DNAI7: variants seen among roughly 807,000 people sequenced by gnomAD.
DNAI7 encodes the protein dynein axonemal intermediate chain 7, also known as cancer susceptibility 1.
Under a neutral mutation model 86.6 loss-of-function variants are expected in DNAI7, and 78 were observed. The observed-to-expected ratio is 0.90, with a 90% CI of 0.75 to 1.09. DNAI7 has a LOEUF of 1.09. Ranked by LOEUF, DNAI7 falls within the 50% of genes least tolerant of loss-of-function variation. The probability of loss-of-function intolerance (pLI) is 0.00; values close to 1 mark genes in which losing one functional copy is unlikely to be tolerated. For missense variants in DNAI7, 753 were observed against 810.2 expected, an observed-to-expected ratio of 0.93 and a Z score of 0.86; for synonymous variants, 274 against 273.0, an observed-to-expected ratio of 1.00 and a Z score of -0.04.
At chr12:25,189,858 G>C (rs913842661) in intron 2 of DNAI7, among the ~76,000 whole-genome samples, 1 of 152,092 alleles carries the variant, frequency 6.6e-6, no homozygotes, top group African/African-American at 2.4e-5. Flanking sequence ...ATTCCTAAAA[G>C]GGGTAGCTGT....
At chr12:25,164,301 GTC>G (rs778279265) in intron 2 of DNAI7, among the ~76,000 whole-genome samples, 1 of 150,842 alleles carries the variant, frequency 6.6e-6, no homozygotes, top group Non-Finnish European at 1.5e-5. Flanking sequence ...TTCTCTCCGT[GTC>G]TCTACCCCTT....
intron 10 of DNAI7, among the ~76,000 whole-genome samples, chr12:25,122,944 T>A (rs928447962): frequency 1.3e-5 from 2 of 152,234 alleles, no homozygotes; most frequent in Non-Finnish European, 2.9e-5. Context: ...TCTATGTATG[T>A]AACACGTTGT....
At chr12:25,128,088 C>T (rs1942391168) in intron 9 of DNAI7, among the ~76,000 whole-genome samples, 1 of 152,020 alleles carries the variant, frequency 6.6e-6, no homozygotes, top group Non-Finnish European at 1.5e-5. Context: ...GAAACTGATG[C>T]CAACAATTAT....
intron 2 of DNAI7, among the ~76,000 whole-genome samples, chr12:25,173,406 T>C (rs1948352420): frequency 1.3e-5 from 2 of 152,024 alleles, no homozygotes; most frequent in South Asian, 2.1e-4. Flanking sequence ...GTGATACTAC[T>C]TTACTCCTGC....
intron 10 of DNAI7, among the ~76,000 whole-genome samples, chr12:25,122,481 G>T (rs186476457): frequency 2.8e-4 from 41 of 144,418 alleles, no homozygotes; most frequent in African/African-American, 9.6e-4. Flanking sequence ...AGGAGAAGAA[G>T]AAGAAGAAAG....
chr12:25,157,758 C>G (rs1212970074), intron 4 of DNAI7, among the ~76,000 whole-genome samples: 1 of 151,650 alleles, frequency 6.6e-6, no homozygotes, highest in African/African-American at 2.4e-5. Context: ...CAGAATATTT[C>G]AGAATTACTG....
chr12:25,167,839 G>T (rs1431895794), intron 2 of DNAI7, among the ~76,000 whole-genome samples: 1 of 151,946 alleles, frequency 6.6e-6, no homozygotes, highest in Non-Finnish European at 1.5e-5. Flanking sequence ...CACATATTTG[G>T]ACCCCTCACA....
At chr12:25,189,000 A>G (rs1049670352) in intron 2 of DNAI7, among the ~76,000 whole-genome samples, 1 of 146,060 alleles carries the variant, frequency 6.8e-6, no homozygotes, top group Admixed American at 6.9e-5. Flanking sequence ...TTCTAAAAGA[A>G]TATCAGGTTG....
rs1241825840 is a variant in DNAI7 at position 25,144,607 on chromosome 12, T to A, written c.760A>T (p.Ile254Phe). 6.2e-7 allele frequency: 1 copy of A among 1,613,946 alleles called. No homozygotes were observed. The highest frequency in any genetic ancestry group is 8.5e-7 in the Non-Finnish European group (1 of 1,179,968). Reference protein sequence around the residue: ...EIPRILATSDIAVRLLHTHYD... With the variant: ...EIPRILATSDFAVRLLHTHYD... ...TGGGTATGCAGGAGTCGTACAGCAA[T>A]GTCACTTGTTGCTAATATCCTTGGA... The change falls in exon 9 of 16, where the codon ATT becomes TTT. Residue 254 changes from isoleucine to phenylalanine, a missense_variant. By Grantham distance (21) the Ile-to-Phe change is conservative. Transcript: ENST00000395987.
intron 1 of DNAI7, among the ~76,000 whole-genome samples, chr12:25,191,222 G>A (rs1005399945): frequency 2.0e-5 from 3 of 152,078 alleles, no homozygotes; most frequent in Non-Finnish European, 2.9e-5. Flanking sequence ...AGATCAGCCC[G>A]GGCAACACAG....
intron 12 of DNAI7, among the ~76,000 whole-genome samples, chr12:25,116,700 G>A (rs769073096): frequency 6.6e-6 from 1 of 151,106 alleles, no homozygotes; most frequent in Non-Finnish European, 1.5e-5. Flanking sequence ...TCGCCATGTT[G>A]GCCAGGCTGG....
chr12:25,161,065 C>T (rs763273172), intron 3 of DNAI7, 48 bp downstream of exon 3: 10 of 1,398,628 alleles, frequency 7.1e-6, no homozygotes, highest in East Asian at 4.6e-5. Flanking sequence ...ACCAACCTAT[C>T]GTGACTATTA....
At chr12:25,185,267 G>C (rs1471188790) in intron 2 of DNAI7, among the ~76,000 whole-genome samples, 1 of 152,134 alleles carries the variant, frequency 6.6e-6, no homozygotes, top group East Asian at 1.9e-4. Flanking sequence ...ATGTTTTTAA[G>C]ATGATAGCTT....
rs1946052231 is a variant in DNAI7 at position 25,155,477 on chromosome 12, A to T, written c.199-65T>A. 7.5e-6 allele frequency: 6 copies of T among 804,390 alleles called. 1 individual carries two copies. The highest frequency in any genetic ancestry group is 1.2e-5 in the Non-Finnish European group (6 of 507,726). 49.8% of individuals were successfully genotyped at this position (804,390 alleles called of 1,614,324 possible). A position where few individuals can be genotyped will look rare whatever the true frequency, so the allele number is the denominator to read the frequency against. ...TTTAACTTTATGTTTCACAAGTAGC[A>T]TCTAAAACTGACGTGGCTAAATATA... On this transcript the variant is annotated intron_variant, in intron 4 of 15. Transcript: ENST00000395987.
chr12:25,155,907 C>T (rs1310008934), intron 4 of DNAI7, among the ~76,000 whole-genome samples: 4 of 152,034 alleles, frequency 2.6e-5, no homozygotes, highest in East Asian at 1.9e-4. Flanking sequence ...GTCAGGAGTT[C>T]GAGACCAGCC....
chr12:25,169,864 A>T (rs1947934525), intron 2 of DNAI7, among the ~76,000 whole-genome samples: 1 of 151,286 alleles, frequency 6.6e-6, no homozygotes, highest in South Asian at 2.1e-4. Context: ...AAAAAAAAAA[A>T]GAAAAAAAAG....
At chr12:25,114,102 C>T (rs940635616) in intron 13 of DNAI7, among the ~76,000 whole-genome samples, 2 of 151,956 alleles carry the variant, frequency 1.3e-5, no homozygotes, top group East Asian at 1.9e-4. Flanking sequence ...TGTGCCACCA[C>T]GCCTGGCTAA....
intron 2 of DNAI7, among the ~76,000 whole-genome samples, chr12:25,166,281 G>T (rs1158471998): frequency 6.6e-6 from 1 of 152,114 alleles, no homozygotes; most frequent in Non-Finnish European, 1.5e-5. Flanking sequence ...GTTAGTTCAG[G>T]ATCTGCGCCT....
intron 3 of DNAI7, 175 bp from the exon 4 acceptor site, chr12:25,158,738 C>T (rs1379071874): frequency 7.0e-7 from 1 of 1,438,270 alleles, no homozygotes; most frequent in Non-Finnish European, 9.1e-7. Context: ...AAGACAGTAA[C>T]TACAAGAAAA....
Sources: allele counts gnomAD v4.1 joint callset (sites outside exome capture counted in the v4.1 genomes callset), GRCh38; gene constraint gnomAD v4.1.1; transcripts MANE v1.5; gene names NCBI Gene and HGNC (gene_info 2026-07-23, HGNC 2026-07-21).